DIPK1A: variants seen among roughly 807,000 people sequenced by gnomAD.
The protein encoded by DIPK1A is divergent protein kinase domain 1A.
In DIPK1A, 27 loss-of-function variants were observed where a neutral mutation model predicts 40.8. The observed-to-expected ratio is 0.66, with a 90% confidence interval of 0.49 to 0.91. DIPK1A has a LOEUF of 0.91. DIPK1A is among the 40% of genes least tolerant of loss of function. The pLI is 0.00. For synonymous variants in DIPK1A, 166 were observed against 171.3 expected (o/e 0.97, Z 0.24); for missense variants, 412 against 505.7 (o/e 0.81, Z 1.78).
intron 2 of DIPK1A, among the ~76,000 whole-genome samples, chr1:92,873,790 C>A (rs1647989915): frequency 6.6e-6 from 1 of 152,126 alleles, no homozygotes; most frequent in Non-Finnish European, 1.5e-5. Flanking sequence ...TAGTTCACTG[C>A]AATCTCAAAT....
chr1:92,905,864 A>G (rs917104773), intron 1 of DIPK1A, among the ~76,000 whole-genome samples: 1 of 152,126 alleles, frequency 6.6e-6, no homozygotes, highest in African/African-American at 2.4e-5. Context: ...TCTCAGGACC[A>G]TTTATTGAAG....
Position 92,895,406 on chromosome 1 carries a change from C to T in DIPK1A, c.55-18976G>A, listed in dbSNP as rs561677701. The stretch of plus-strand genomic sequence containing the variant: ...TAAACAGAACCAATGACAAAAACCA[C>T]ATGATTATCTCAATAGATGCAGAAA... On this transcript the variant is annotated intron_variant, in intron 1 of 4. Transcript: ENST00000370310. Among the ~76,000 whole-genome samples, 935 of 152,172 alleles carry T rather than the reference C, an allele frequency of 6.1e-3. 12 individuals carry two copies. The highest frequency in any genetic ancestry group is 0.02 in the African/African-American group (836 of 41,456).
chr1:92,890,054 G>GTATTTATT (rs1206182108), intron 1 of DIPK1A, among the ~76,000 whole-genome samples: 3 of 151,938 alleles, frequency 2.0e-5, no homozygotes, highest in Admixed American at 2.0e-4. Flanking sequence ...TAGGTTTTAT[G>GTATTTATT]TATTTATTTA....
intron 1 of DIPK1A, among the ~76,000 whole-genome samples, chr1:92,955,651 T>G (rs887655689): frequency 7.8e-5 from 11 of 140,432 alleles, no homozygotes; most frequent in African/African-American, 3.0e-4. Context: ...TGAGCTGAGA[T>G]CGCACCACTG....
intron 1 of DIPK1A, among the ~76,000 whole-genome samples, chr1:92,881,396 A>G (rs1648371138): frequency 6.6e-6 from 1 of 150,554 alleles, no homozygotes; most frequent in South Asian, 2.1e-4. Flanking sequence ...AATCTTTTTA[A>G]GAGGTGAATT....
intron 1 of DIPK1A, among the ~76,000 whole-genome samples, chr1:92,897,656 T>TA (rs11291163): frequency 6.6e-6 from 1 of 151,382 alleles, no homozygotes; most frequent in Non-Finnish European, 1.5e-5. Context: ...TAAAGTATAA[T>TA]AAAAAAAAAA....
At chr1:92,855,537 A>C (rs1385268967) in intron 2 of DIPK1A, among the ~76,000 whole-genome samples, 1 of 151,688 alleles carries the variant, frequency 6.6e-6, no homozygotes, top group African/African-American at 2.4e-5. Flanking sequence ...CATATCTAAA[A>C]ATTTTTTTTT....
At chr1:92,839,129 T>G (rs968270644), downstream of DIPK1A, among the ~76,000 whole-genome samples, 4 of 145,758 alleles carry the variant, frequency 2.7e-5, no homozygotes, top group African/African-American at 1.0e-4. Context: ...GAGGCCGTGG[T>G]GGGCAGATCA....
chr1:92,877,245 G>T, intron 1 of DIPK1A: 1 of 494,788 alleles, frequency 2.0e-6, no homozygotes, highest in Non-Finnish European at 2.6e-6. Flanking sequence ...ATCTTCAAAA[G>T]TGACACTTGA....
intron 2 of DIPK1A, among the ~76,000 whole-genome samples, chr1:92,869,843 G>A (rs1647747090): frequency 1.3e-5 from 2 of 152,100 alleles, no homozygotes; most frequent in African/African-American, 2.4e-5. Flanking sequence ...TACAGAGGGA[G>A]AGAGGCAATC....
rs1687418538 is a variant in DIPK1A at position 92,842,576 on chromosome 1, A to AT, written c.*806_*807insA. On this transcript the variant is annotated 3_prime_UTR_variant, in exon 5 of 5. Transcript: ENST00000370310. ...TGTTTGAAAATGGAAAGTTATTACTAAAAAGTCTGCTATAATTTATTTTAG... is the reference window on the plus strand; with the variant it reads ...TGTTTGAAAATGGAAAGTTATTACTATAAAAGTCTGCTATAATTTATTTTAG... 1.0e-6 allele frequency: 1 copy of AT among 982,840 alleles called. No individual in the cohort carries two copies. Among genetic ancestry groups the AT allele is most frequent in the African/African-American group, 1.8e-5 (1 of 56,704 alleles). The allele number at this position is 982,840 out of a possible 1,614,324, so 60.9% of individuals were successfully genotyped here. A position where few individuals can be genotyped will look rare whatever the true frequency, so the allele number is the denominator to read the frequency against.
intron 2 of DIPK1A, among the ~76,000 whole-genome samples, chr1:92,871,488 T>C (rs1647858729): frequency 6.6e-6 from 1 of 152,066 alleles, no homozygotes; most frequent in Non-Finnish European, 1.5e-5. Context: ...TATTATTCCA[T>C]TTTTTCTATG....
chr1:92,863,604 A>C (rs1376633796), intron 2 of DIPK1A, among the ~76,000 whole-genome samples: 2 of 151,536 alleles, frequency 1.3e-5, no homozygotes, highest in Non-Finnish European at 2.9e-5. Context: ...CAAAAATTAA[A>C]ATAAAATAGA....
rs1459954680 is a variant in DIPK1A, at chr1:92,927,367, T to G, written c.54+34009A>C. Among the ~76,000 whole-genome samples the G allele has an allele frequency of 4.0e-4, 13 of 32,784 alleles. 1 individual carries two copies. Among genetic ancestry groups the G allele is most frequent in the South Asian group, 2.1e-3 (1 of 484 alleles). The allele number at this position is 32,784 out of a possible 152,430, so 21.5% of individuals were successfully genotyped here. ...ATGCCACCATGCCAATTTTGTTGTTTTTTTTTTTTTTTTTTTTTTTGCAGA... is the reference window on the plus strand; with the variant it reads ...ATGCCACCATGCCAATTTTGTTGTTGTTTTTTTTTTTTTTTTTTTTGCAGA... On this transcript the variant is annotated intron_variant, in intron 1 of 4. Coordinates refer to ENST00000370310, the MANE Select transcript of DIPK1A (RefSeq NM_001006605.5).
intron 2 of DIPK1A, among the ~76,000 whole-genome samples, chr1:92,871,713 C>T (rs995459764): frequency 2.0e-5 from 3 of 152,076 alleles, no homozygotes; most frequent in Admixed American, 6.6e-5. Context: ...TGGAATCATA[C>T]AATATTTGTC....
chr1:92,910,319 A>G (rs1649781442), intron 1 of DIPK1A, among the ~76,000 whole-genome samples: 1 of 152,184 alleles, frequency 6.6e-6, no homozygotes, highest in Non-Finnish European at 1.5e-5. Flanking sequence ...CAGTCAGCTG[A>G]TAACATTCTT....
intron 2 of DIPK1A, among the ~76,000 whole-genome samples, chr1:92,871,856 T>C (rs1647877861): frequency 6.6e-6 from 1 of 152,160 alleles, no homozygotes; most frequent in Non-Finnish European, 1.5e-5. Context: ...GTTTATCCAT[T>C]CATCTGTGGA....
chr1:92,835,125 GT>G, intron 4 of DIPK1A: 1 of 650,258 alleles, frequency 1.5e-6, no homozygotes. Flanking sequence ...CTGTCCAGTG[GT>G]TTTGCCACTA....
At chr1:92,955,318 A>C (rs1489006577) in intron 1 of DIPK1A, among the ~76,000 whole-genome samples, 4 of 152,258 alleles carry the variant, frequency 2.6e-5, no homozygotes, top group South Asian at 2.1e-4. Context: ...AATGAACTCT[A>C]ATGTAAAACT....
Sources: gnomAD v4.1 joint callset for allele counts (sites outside exome capture counted in the v4.1 genomes callset) on GRCh38, gnomAD v4.1.1 for gene constraint, MANE v1.5 for transcripts, NCBI Gene and HGNC (gene_info 2026-07-23, HGNC 2026-07-21) for gene names.